CENPI: variants seen among roughly 807,000 people sequenced by gnomAD.
CENPI encodes the protein centromere protein I, also known as FSH primary response 1.
In CENPI, 4 loss-of-function variants were observed where a neutral mutation model predicts 60.4. The ratio of observed to expected loss-of-function variants is 0.07; its 90% CI spans 0.03 to 0.15. The LOEUF is 0.15. Among genes scored for constraint, CENPI ranks in the 10% least tolerant of loss-of-function variants. The pLI is 1.00. For synonymous variants in CENPI, 157 were observed against 189.4 expected, an observed-to-expected ratio of 0.83 and a Z score of 1.40; for missense variants, 444 against 534.5, an observed-to-expected ratio of 0.83 and a Z score of 1.67.
intron 16 of CENPI, among the ~76,000 whole-genome samples, chrX:101,142,623 C>T (rs2089924447): frequency 9.0e-6 from 1 of 110,921 alleles, no homozygotes; most frequent in Admixed American, 9.7e-5. Flanking sequence ...GATGGGGATG[C>T]TCAATGTGCT....
At chrX:101,140,155 A>G (rs1474952549) in intron 15 of CENPI, among the ~76,000 whole-genome samples, 1 of 112,021 alleles carries the variant, frequency 8.9e-6, no homozygotes, top group East Asian at 2.8e-4. Flanking sequence ...ATGTTTTTGT[A>G]TGTGATTGAG....
At chrX:101,102,855 AT>A (rs777790665) in intron 4 of CENPI, among the ~76,000 whole-genome samples, 93 of 81,425 alleles carry the variant, frequency 1.1e-3, no homozygotes, top group Admixed American at 1.2e-3. Context: ...AATTTTTTGT[AT>A]TTTTTTTTTT....
chrX:101,116,546 A>AT (rs1399985513), intron 6 of CENPI, among the ~76,000 whole-genome samples: 1 of 111,650 alleles, frequency 9.0e-6, no homozygotes, highest in East Asian at 2.8e-4. Flanking sequence ...ATAACAAGGG[A>AT]TGACTATATC....
chrX:101,130,841 C>G (rs1454951026), intron 13 of CENPI, among the ~76,000 whole-genome samples: 1 of 111,949 alleles, frequency 8.9e-6, no homozygotes, highest in African/African-American at 3.2e-5. Flanking sequence ...GGGTTAGCTC[C>G]TTGTTCTATG....
At position 101,161,536 on chromosome X, in the gene CENPI, A is replaced by G; in HGVS notation, c.2103A>G (p.Pro701=). ...GTTTGTTTGTTTTTAAGGAAAGCCC[A>G]GAAGAAAGGACAGTAAATGTGAGCT... is the stretch of plus-strand genomic sequence containing the variant. The part of the protein sequence containing the change: ...YAVSFLLQES[P]EERTVNVSSI... Residue 701 remains proline (P), a synonymous_variant, in exon 21 of 22, where the codon CCA becomes CCG. Coordinates refer to ENST00000682095, the MANE Select transcript of CENPI (RefSeq NM_001386188.2). 8.3e-7 allele frequency: 1 copy of G among 1,210,086 alleles called. No homozygotes were observed. The highest frequency in any genetic ancestry group is 1.8e-5 in the South Asian group (1 of 56,868).
intron 6 of CENPI, among the ~76,000 whole-genome samples, chrX:101,114,907 C>T (rs1237539162): frequency 3.7e-5 from 4 of 107,968 alleles, no homozygotes; most frequent in Non-Finnish European, 3.8e-5. Context: ...TCCCAAAGTG[C>T]TGGGGTTACA....
chrX:101,110,799 GATA>G (rs765849120), intron 6 of CENPI, among the ~76,000 whole-genome samples: 354 of 111,885 alleles, frequency 3.2e-3, no homozygotes, highest in African/African-American at 0.01. Flanking sequence ...ATAGTTTGAG[GATA>G]ATAATTGCTG....
chrX:101,178,398 C>CTTTTTT, the CENPI span, among the ~76,000 whole-genome samples: 232 of 39,948 alleles, frequency 5.8e-3, 11 homozygotes, highest in African/African-American at 0.012. Flanking sequence ...TTTTCTTCTT[C>CTTTTTT]TTTTTTTTTT....
In CENPI at chrX:101,109,549, A is replaced by C; in HGVS notation, c.441A>C (p.Ala147=). The change falls in exon 5 of 22, where the codon GCA becomes GCC. Residue 147 remains alanine (A), a synonymous_variant. Transcript: ENST00000682095. ...TATCAGAAGATTCTGTGGTTAAGGCAGTCTCCTGGCTTTGTGTTGGCAAGT... is the reference window on the plus strand; with the variant it reads ...TATCAGAAGATTCTGTGGTTAAGGCCGTCTCCTGGCTTTGTGTTGGCAAGT... The part of the protein sequence containing the change: ...TVISEDSVVK[A]VSWLCVGKCS... 1 of 1,209,071 alleles carries C rather than the reference A, an allele frequency of 8.3e-7. No individual in the cohort carries two copies. Among genetic ancestry groups the C allele is most frequent in the Non-Finnish European group, 1.1e-6 (1 of 892,791 alleles).
rs1201390596 is a variant in CENPI, at chrX:101,165,700, AGAG to A, written c.*2737_*2739del. ...CTAAGGTATGCCAGCATTGAGAAGTAGAGGAGAAGAGGAACCAGCAAAAGACTG... is the reference window on the plus strand; with the variant it reads ...CTAAGGTATGCCAGCATTGAGAAGTAGAGAAGAGGAACCAGCAAAAGACTG... On this transcript the variant is annotated 3_prime_UTR_variant, in exon 22 of 22. Transcript: ENST00000682095. Among the ~76,000 whole-genome samples the A allele has an allele frequency of 2.7e-5, 3 of 111,361 alleles. No individual in the cohort carries two copies. The highest frequency in any genetic ancestry group is 5.6e-5 in the Non-Finnish European group (3 of 53,101).
At chrX:101,104,116 G>A (rs777197728) in intron 4 of CENPI, among the ~76,000 whole-genome samples, 4 of 111,712 alleles carry the variant, frequency 3.6e-5, no homozygotes, top group South Asian at 3.7e-4. Flanking sequence ...TGGGCTTATC[G>A]GCATGTGCCA....
chrX:101,146,880 G>A (rs1001256439), intron 18 of CENPI, among the ~76,000 whole-genome samples: 5 of 110,377 alleles, frequency 4.5e-5, no homozygotes, highest in Non-Finnish European at 9.5e-5. Flanking sequence ...GATTACAGGC[G>A]CCCGCCACCA....
At chrX:101,171,709 G>A in the CENPI span, among the ~76,000 whole-genome samples, 1 of 112,141 alleles carries the variant, frequency 8.9e-6, no homozygotes, top group Non-Finnish European at 1.9e-5. Context: ...TTACAGGCGT[G>A]TGCCACTATG....
chrX:101,143,484 A>C (rs924768547), intron 16 of CENPI, among the ~76,000 whole-genome samples: 1 of 111,938 alleles, frequency 8.9e-6, no homozygotes, highest in African/African-American at 3.2e-5. Context: ...AAATTTTGCT[A>C]ATTCCCTTTT....
Position 101,146,192 on chromosome X carries a change from G to T in CENPI, c.1741G>T (p.Val581Leu). 1.7e-6 allele frequency: 2 copies of T among 1,197,584 alleles called. No individual in the cohort carries two copies. Among genetic ancestry groups the T allele is most frequent in the Non-Finnish European group, 2.3e-6 (2 of 883,260 alleles). Residue 581 changes from valine (V) to leucine (L), a missense_variant, in exon 18 of 22, where the codon GTA (valine) becomes TTA (leucine). Physicochemically the swap from Val to Leu is conservative, Grantham distance 32. Coordinates refer to ENST00000682095, the MANE Select transcript of CENPI (RefSeq NM_001386188.2). ...IYINYNLPLV[V>L]LFPPGIFYSA... ...TATAAATTATAACCTTCCATTAGTGGTATTGTTTCCTCCTGGGATCTTCTA... is the reference window on the plus strand; with the variant it reads ...TATAAATTATAACCTTCCATTAGTGTTATTGTTTCCTCCTGGGATCTTCTA...
Position 101,127,495 on chromosome X carries a change from C to T in CENPI, c.907-3C>T. On this transcript the variant is annotated splice_region_variant and splice_polypyrimidine_tract_variant and intron_variant, in intron 10 of 21. Transcript: ENST00000682095. ...GATAGATTATTTTATTATCTTTCTTCAGAAGTGGAATTCTCTCTCAGTTAT... is the reference window on the plus strand; with the variant it reads ...GATAGATTATTTTATTATCTTTCTTTAGAAGTGGAATTCTCTCTCAGTTAT... 8.6e-7 allele frequency: 1 copy of T among 1,158,815 alleles called. No individual in the cohort carries two copies. Among genetic ancestry groups the T allele is most frequent in the South Asian group, 2.0e-5 (1 of 49,364 alleles).
chrX:101,152,830 A>G (rs1448835416), intron 20 of CENPI, among the ~76,000 whole-genome samples: 4 of 111,002 alleles, frequency 3.6e-5, no homozygotes, highest in Admixed American at 9.7e-5. Flanking sequence ...TCATTTATCA[A>G]TTGATGGACA....
rs1240984109 is a variant in CENPI at position 101,146,209 on chromosome X, G to A, written c.1758G>A (p.Gly586=). 4.2e-6 allele frequency: 5 copies of A among 1,203,080 alleles called. No homozygotes were observed. In the Admixed American group the frequency reaches 1.1e-4, roughly 26 times the overall value. ...CATTAGTGGTATTGTTTCCTCCTGG[G>A]ATCTTCTATTCTGCACTCCTCAGCC... ...NLPLVVLFPP[G]IFYSALLSLD... The change falls in exon 18 of 22, where the codon GGG becomes GGA. Residue 586 remains glycine (G), a synonymous_variant. Coordinates refer to ENST00000682095, the MANE Select transcript of CENPI (RefSeq NM_001386188.2).
chrX:101,147,244 T>C (rs2089970175), intron 18 of CENPI, among the ~76,000 whole-genome samples: 1 of 110,956 alleles, frequency 9.0e-6, no homozygotes, highest in Non-Finnish European at 1.9e-5. Flanking sequence ...TACTTTAAGT[T>C]CTGGGATACA....
Sources: allele counts gnomAD v4.1 joint callset (sites outside exome capture counted in the v4.1 genomes callset), GRCh38; gene constraint gnomAD v4.1.1; transcripts MANE v1.5; gene names NCBI Gene and HGNC (gene_info 2026-07-23, HGNC 2026-07-21).